The following LARGE1 variants were observed in gnomAD, a reference collection of about 807,000 sequenced individuals.
LARGE1 encodes LARGE xylosyl- and glucuronyltransferase 1.
A neutral mutation model predicts 87.6 loss-of-function variants in LARGE1; 43 were observed. The ratio of observed to expected loss-of-function variants is 0.49; its 90% CI spans 0.38 to 0.63. The LOEUF (loss-of-function observed/expected upper bound fraction) is 0.63, where lower values mean the gene tolerates loss of function less well. Among genes scored for constraint, LARGE1 ranks in the 30% least tolerant of loss-of-function variants. The probability of loss-of-function intolerance (pLI) is 0.00; values close to 1 mark genes in which losing one functional copy is unlikely to be tolerated. For missense variants in LARGE1, 802 were observed against 1,000.2 expected (o/e 0.80, Z 2.67); for synonymous variants, 434 against 394.6 (o/e 1.10, Z -1.18).
intron 10 of LARGE1, among the ~76,000 whole-genome samples, chr22:33,325,664 C>T (rs1399941663): frequency 7.0e-5 from 10 of 142,750 alleles, no homozygotes; most frequent in East Asian, 2.0e-4. Context: ...AGACATAGTA[C>T]GATGGACCAA....
intron 5 of LARGE1, among the ~76,000 whole-genome samples, chr22:33,597,277 T>C (rs1184092761): frequency 2.6e-5 from 2 of 76,342 alleles, no homozygotes; most frequent in African/African-American, 6.5e-5. Flanking sequence ...GCCTAATTCA[T>C]GAAAAAAAAA....
intron 9 of LARGE1, among the ~76,000 whole-genome samples, chr22:33,376,108 A>G (rs2064984500): frequency 6.6e-6 from 1 of 152,142 alleles, no homozygotes; most frequent in African/African-American, 2.4e-5. Context: ...AAAATTGGCC[A>G]TTTCCAAGAA....
In LARGE1 at chr22:33,519,801, C is replaced by T. The variant is rs141217631; in HGVS notation, c.787+45047G>A. 5.8e-3 allele frequency among the ~76,000 whole-genome samples: 879 copies of T among 152,164 alleles called. 7 individuals are homozygous for T. The highest frequency in any genetic ancestry group is 0.02 in the African/African-American group (816 of 41,512). On this transcript the variant is annotated intron_variant, in intron 6 of 14. Coordinates refer to ENST00000397394, the MANE Select transcript of LARGE1 (RefSeq NM_133642.5). ...TGATCTACATGGCCACATCACCAGC[C>T]CACATTCTGTTTATGACGCTGGGTA...
chr22:33,521,636 T>C (rs999419546), intron 6 of LARGE1, among the ~76,000 whole-genome samples: 15 of 152,196 alleles, frequency 9.9e-5, no homozygotes, highest in African/African-American at 3.6e-4. Context: ...CTACACAGTC[T>C]TGGTGAAAGT....
intron 11 of LARGE1, among the ~76,000 whole-genome samples, chr22:33,173,193 A>T (rs1602043742): frequency 6.6e-6 from 1 of 152,182 alleles, no homozygotes; most frequent in African/African-American, 2.4e-5. Flanking sequence ...GAAGAGAGTG[A>T]GGGCCAATAT....
intron 1 of LARGE1, among the ~76,000 whole-genome samples, chr22:33,870,277 A>G (rs7290399): frequency 0.47 from 72,024 of 151,992 alleles, 17,395 homozygotes; most frequent in East Asian, 0.61. Flanking sequence ...TGGCCCTGCC[A>G]ACACAAAACT....
At chr22:33,808,417 T>G (rs750052853) in intron 1 of LARGE1, among the ~76,000 whole-genome samples, 22 of 152,164 alleles carry the variant, frequency 1.4e-4, no homozygotes, top group Non-Finnish European at 2.9e-4. Flanking sequence ...CTTGCCAGAG[T>G]GCTGAGACTC....
chr22:33,772,314 C>T (rs561958120), intron 1 of LARGE1, among the ~76,000 whole-genome samples: 47 of 148,790 alleles, frequency 3.2e-4, no homozygotes, highest in African/African-American at 1.1e-3. Flanking sequence ...GCCTGGGCAA[C>T]AGAGCGAGAC....
At chr22:33,837,052 T>C (rs1035952825) in intron 1 of LARGE1, among the ~76,000 whole-genome samples, 7 of 152,164 alleles carry the variant, frequency 4.6e-5, no homozygotes, top group African/African-American at 1.7e-4. Flanking sequence ...GGGACCTCCA[T>C]GTGGGAGAGT....
the LARGE1 span, among the ~76,000 whole-genome samples, chr22:33,127,877 A>G: frequency 6.6e-6 from 1 of 152,198 alleles, no homozygotes; most frequent in African/African-American, 2.4e-5. Flanking sequence ...TCAGACATCT[A>G]TCTTGAAATT....
At chr22:33,899,859 T>A (rs1201502774) in intron 1 of LARGE1, among the ~76,000 whole-genome samples, 3 of 152,238 alleles carry the variant, frequency 2.0e-5, no homozygotes, top group African/African-American at 7.2e-5. Context: ...TCCAGATGTA[T>A]ATATTCAGAC....
chr22:33,522,835 A>T (rs1569236383), intron 6 of LARGE1, among the ~76,000 whole-genome samples: 1 of 151,336 alleles, frequency 6.6e-6, no homozygotes, highest in Non-Finnish European at 1.5e-5. Flanking sequence ...TCTAAAAAAA[A>T]GAAAAAAAAA....
At chr22:33,738,663 C>T (rs564154511) in intron 2 of LARGE1, among the ~76,000 whole-genome samples, 4 of 152,040 alleles carry the variant, frequency 2.6e-5, no homozygotes, top group Non-Finnish European at 4.4e-5. Context: ...ATGGAGACCA[C>T]GGTGAAACCC....
At chr22:33,428,754 C>T (rs1183357535) in intron 7 of LARGE1, among the ~76,000 whole-genome samples, 16 of 98,268 alleles carry the variant, frequency 1.6e-4, no homozygotes, top group African/African-American at 7.5e-4. Context: ...AACCCCGTCA[C>T]TACTAAAAAA....
intron 5 of LARGE1, among the ~76,000 whole-genome samples, chr22:33,593,296 G>A (rs934002221): frequency 1.2e-4 from 18 of 152,294 alleles, no homozygotes; most frequent in African/African-American, 3.6e-4. Flanking sequence ...ACCCACCTCA[G>A]CCTCCCAAAG....
chr22:33,868,956 C>A (rs1203565701), intron 1 of LARGE1, among the ~76,000 whole-genome samples: 1 of 152,100 alleles, frequency 6.6e-6, no homozygotes, highest in Non-Finnish European at 1.5e-5. Flanking sequence ...GCACTCAGGG[C>A]AGGACTGGCT....
chr22:33,922,101 C>T (rs551200068), upstream of LARGE1, among the ~76,000 whole-genome samples: 1 of 152,124 alleles, frequency 6.6e-6, no homozygotes, highest in Non-Finnish European at 1.5e-5. Flanking sequence ...GCCGCCGGGT[C>T]TTTGCCTTCC....
chr22:33,070,172 C>T, the LARGE1 span, among the ~76,000 whole-genome samples: 1 of 152,202 alleles, frequency 6.6e-6, no homozygotes, highest in Non-Finnish European at 1.5e-5. Context: ...CCTGCAAGGA[C>T]CTGCAATTCC....
chr22:33,829,802 A>G (rs998864324), intron 1 of LARGE1, among the ~76,000 whole-genome samples: 5 of 152,154 alleles, frequency 3.3e-5, no homozygotes, highest in African/African-American at 1.2e-4. Context: ...AATGAAGATT[A>G]AAACCAACAG....
Sources: allele counts gnomAD v4.1 joint callset (sites outside exome capture counted in the v4.1 genomes callset), GRCh38; gene constraint gnomAD v4.1.1; transcripts MANE v1.5; gene names NCBI Gene and HGNC (gene_info 2026-07-23, HGNC 2026-07-21).